The following NAALADL2 variants were observed in gnomAD, a reference collection of about 807,000 sequenced individuals.
NAALADL2 encodes the protein N-acetylated alpha-linked acidic dipeptidase like 2, also known as inactive N-acetylated-alpha-linked acidic dipeptidase-like protein 2.
Under a neutral mutation model 87.2 loss-of-function variants are expected in NAALADL2, and 76 were observed. The ratio of observed to expected loss-of-function variants is 0.87; its 90% CI spans 0.72 to 1.05. The LOEUF is 1.05. Ranked by LOEUF, NAALADL2 falls within the 50% of genes least tolerant of loss-of-function variation. The pLI is 0.00. For synonymous variants in NAALADL2, 354 were observed against 331.0 expected (o/e 1.07, Z -0.75); for missense variants, 1,089 against 945.8 (o/e 1.15, Z -1.99).
At chr3:174,611,776 T>C (rs1578314541) in intron 2 of NAALADL2, among the ~76,000 whole-genome samples, 1 of 151,780 alleles carries the variant, frequency 6.6e-6, no homozygotes, top group South Asian at 2.1e-4. Context: ...TTTTTTTTTT[T>C]AGTAGAGACG....
chr3:175,651,965 G>C (rs989046840), intron 11 of NAALADL2, among the ~76,000 whole-genome samples: 4 of 152,192 alleles, frequency 2.6e-5, no homozygotes, highest in African/African-American at 4.8e-5. Flanking sequence ...GTTCAGAGCA[G>C]TGTTTGTTCA....
intron 2 of NAALADL2, among the ~76,000 whole-genome samples, chr3:175,196,627 C>G (rs1343195535): frequency 6.6e-6 from 1 of 151,902 alleles, no homozygotes; most frequent in East Asian, 1.9e-4. Flanking sequence ...TTGTATTATT[C>G]TATAGATATG....
chr3:175,408,240 A>G (rs1453216529), intron 5 of NAALADL2, among the ~76,000 whole-genome samples: 1 of 152,132 alleles, frequency 6.6e-6, no homozygotes, highest in Non-Finnish European at 1.5e-5. Flanking sequence ...ATAGCAATGC[A>G]TTGTATATTT....
At chr3:174,976,397 C>A (rs765518553) in intron 1 of NAALADL2, among the ~76,000 whole-genome samples, 1 of 152,026 alleles carries the variant, frequency 6.6e-6, no homozygotes, top group Non-Finnish European at 1.5e-5. Flanking sequence ...TAGTAGAAGT[C>A]CAATTTGTTT....
At chr3:175,746,996 T>C (rs1746015204) in intron 12 of NAALADL2, among the ~76,000 whole-genome samples, 1 of 152,178 alleles carries the variant, frequency 6.6e-6, no homozygotes, top group African/African-American at 2.4e-5. Context: ...TAATATCAAA[T>C]GCAATGTAAA....
chr3:174,457,210 C>T (rs1306272084), intron 1 of NAALADL2, among the ~76,000 whole-genome samples: 1 of 152,078 alleles, frequency 6.6e-6, no homozygotes, highest in Middle Eastern at 3.2e-3. Flanking sequence ...ATAACAGGTG[C>T]TGGTGAAGTT....
At chr3:175,256,193 A>G (rs1293179352) in intron 3 of NAALADL2, among the ~76,000 whole-genome samples, 1 of 152,146 alleles carries the variant, frequency 6.6e-6, no homozygotes, top group African/African-American at 2.4e-5. Flanking sequence ...GCAAAGCAAA[A>G]ATGACTCACA....
intron 5 of NAALADL2, among the ~76,000 whole-genome samples, chr3:175,426,192 G>A (rs879306759): frequency 6.6e-6 from 1 of 152,048 alleles, no homozygotes; most frequent in Admixed American, 6.6e-5. Context: ...ATTGAAACCT[G>A]TCTCTACTAA....
intron 1 of NAALADL2, among the ~76,000 whole-genome samples, chr3:175,055,269 C>A (rs1711892633): frequency 6.6e-6 from 1 of 152,192 alleles, no homozygotes; most frequent in African/African-American, 2.4e-5. Context: ...GCTCTCCTGG[C>A]CCTGCTTTCC....
intron 1 of NAALADL2, among the ~76,000 whole-genome samples, chr3:174,969,966 C>A (rs1743401160): frequency 6.6e-6 from 1 of 152,178 alleles, no homozygotes; most frequent in South Asian, 2.1e-4. Context: ...TGGATCAAAA[C>A]AGCAAGTCAG....
intron 10 of NAALADL2, among the ~76,000 whole-genome samples, chr3:175,585,561 GT>G (rs1235029248): frequency 2.0e-5 from 3 of 152,026 alleles, no homozygotes; most frequent in Non-Finnish European, 2.9e-5. Flanking sequence ...TAATGTTAAT[GT>G]TTCCTTGTAG....
intron 13 of NAALADL2, among the ~76,000 whole-genome samples, chr3:175,788,424 C>G (rs1469682684): frequency 6.6e-6 from 1 of 151,950 alleles, no homozygotes. Context: ...TTTTAGTGTG[C>G]CTTTTCTATG....
chr3:175,536,423 G>C (rs1262124942), intron 9 of NAALADL2, among the ~76,000 whole-genome samples: 1 of 152,000 alleles, frequency 6.6e-6, no homozygotes, highest in Non-Finnish European at 1.5e-5. Context: ...GCCTACAATG[G>C]TTGTGATTGA....
intron 2 of NAALADL2, among the ~76,000 whole-genome samples, chr3:174,676,158 A>G (rs1241281326): frequency 6.6e-6 from 1 of 152,008 alleles, no homozygotes; most frequent in Admixed American, 6.6e-5. Context: ...ATTCTTGGTA[A>G]TTGACCAATT....
intron 2 of NAALADL2, among the ~76,000 whole-genome samples, chr3:174,598,120 A>G (rs1718095188): frequency 1.3e-5 from 2 of 152,192 alleles, no homozygotes; most frequent in Admixed American, 6.6e-5. Flanking sequence ...AAAATGAAAA[A>G]TAATGATCTG....
chr3:174,815,579 C>A (rs1428812375), intron 3 of NAALADL2, among the ~76,000 whole-genome samples: 1 of 152,118 alleles, frequency 6.6e-6, no homozygotes, highest in African/African-American at 2.4e-5. Context: ...CAGAAGCCTG[C>A]CATCATGCCC....
intron 1 of NAALADL2, among the ~76,000 whole-genome samples, chr3:174,874,320 A>G (rs561402489): frequency 8.7e-4 from 132 of 152,286 alleles, no homozygotes; most frequent in African/African-American, 2.8e-3. Context: ...CAGAATATCA[A>G]TGCTTCTTGA....
chr3:174,836,672 G>A (rs1273183304), intron 3 of NAALADL2, among the ~76,000 whole-genome samples: 1 of 119,164 alleles, frequency 8.4e-6, no homozygotes, highest in Non-Finnish European at 1.6e-5. Context: ...TCGCGCCACA[G>A]CACTCCAGCC....
At chr3:175,199,828 A>ATATATATG (rs1739552374) in intron 2 of NAALADL2, among the ~76,000 whole-genome samples, 1 of 7,768 alleles carries the variant, frequency 1.3e-4, no homozygotes, top group Non-Finnish European at 2.4e-4. Flanking sequence ...AAATATATAT[A>ATATATATG]TATATATATA....
Sources: gnomAD v4.1 joint callset for allele counts (sites outside exome capture counted in the v4.1 genomes callset) on GRCh38, gnomAD v4.1.1 for gene constraint, MANE v1.5 for transcripts, NCBI Gene and HGNC (gene_info 2026-07-23, HGNC 2026-07-21) for gene names.